Variants in ZFPM2 observed in about 807,000 individuals in gnomAD.
ZFPM2 encodes zinc finger protein ZFPM2.
In ZFPM2, 20 loss-of-function variants were observed where a neutral mutation model predicts 98.6. That is an observed-to-expected ratio of 0.20 (90% CI 0.14 to 0.29). The LOEUF (loss-of-function observed/expected upper bound fraction) is 0.29. Among genes scored for constraint, ZFPM2 ranks in the 10% least tolerant of loss-of-function variants. The probability of loss-of-function intolerance (pLI) is 1.00; values close to 1 mark genes in which losing one functional copy is unlikely to be tolerated. For missense variants in ZFPM2, 1,310 were observed against 1,388.6 expected (o/e 0.94, Z 0.90); for synonymous variants, 518 against 502.7 (o/e 1.03, Z -0.41).
chr8:105,327,063 TAGAA>T (rs1184079667), intron 1 of ZFPM2, among the ~76,000 whole-genome samples: 7 of 151,634 alleles, frequency 4.6e-5, no homozygotes, highest in African/African-American at 1.4e-4. Context: ...ATTTCTTTCT[TAGAA>T]AGATAAATTC....
intron 1 of ZFPM2, among the ~76,000 whole-genome samples, chr8:105,412,424 G>A (rs1416689368): frequency 6.6e-6 from 1 of 151,570 alleles, no homozygotes; most frequent in Non-Finnish European, 1.5e-5. Context: ...ACAGCTATGA[G>A]CAAAAGCCCA....
chr8:105,560,577 T>G (rs1007016258), intron 3 of ZFPM2, among the ~76,000 whole-genome samples: 3 of 146,462 alleles, frequency 2.0e-5, no homozygotes, highest in Admixed American at 2.0e-4. Context: ...ATTGGCCGTT[T>G]TTTTTTTTTT....
chr8:105,631,723 T>C (rs1441051431), intron 4 of ZFPM2, among the ~76,000 whole-genome samples: 1 of 152,192 alleles, frequency 6.6e-6, no homozygotes, highest in Non-Finnish European at 1.5e-5. Context: ...CTTATATTCC[T>C]AGCACAAGGC....
chr8:105,586,259 G>A (rs1815712786), intron 4 of ZFPM2, among the ~76,000 whole-genome samples: 1 of 152,038 alleles, frequency 6.6e-6, no homozygotes, highest in Non-Finnish European at 1.5e-5. Flanking sequence ...TCGATGTAAT[G>A]TTTTACTTTG....
At chr8:105,732,814 A>G (rs1811973385) in intron 5 of ZFPM2, among the ~76,000 whole-genome samples, 1 of 151,798 alleles carries the variant, frequency 6.6e-6, no homozygotes, top group Admixed American at 6.6e-5. Context: ...TTAAACGTTT[A>G]TGGAGAAAAA....
chr8:105,637,305 A>G (rs1186899747), intron 5 of ZFPM2, among the ~76,000 whole-genome samples: 1 of 152,096 alleles, frequency 6.6e-6, no homozygotes, highest in African/African-American at 2.4e-5. Flanking sequence ...TCGGGCTTTT[A>G]TCCCTAGAAA....
chr8:105,789,228 T>C (rs1317339114), intron 6 of ZFPM2, among the ~76,000 whole-genome samples: 2 of 152,112 alleles, frequency 1.3e-5, no homozygotes, highest in African/African-American at 2.4e-5. Flanking sequence ...AATGCTATCC[T>C]TCCCCGCTCC....
chr8:105,802,727 A>G lies in ZFPM2; in HGVS notation c.2645A>G (p.His882Arg). ...HKQNFCPVTA[H>R]QRNDLGQLDG... ...CAGAATTTCTGCCCGGTTACTGCAC[A>G]TCAGCGTAATGACCTGGGTCAACTG... Residue 882 changes from histidine (H) to arginine (R), a missense_variant, in exon 8 of 8, where the codon CAT (histidine) becomes CGT (arginine). His to Arg is a conservative substitution (Grantham distance 29). Transcript: ENST00000407775. 11 of 1,613,252 alleles carry G rather than the reference A, an allele frequency of 6.8e-6. No homozygotes were observed. Among genetic ancestry groups the G allele is most frequent in the Non-Finnish European group, 8.5e-6 (10 of 1,179,650 alleles).
At chr8:105,320,330 ATTTC>A (rs1323322543) in intron 1 of ZFPM2, among the ~76,000 whole-genome samples, 2 of 145,046 alleles carry the variant, frequency 1.4e-5, no homozygotes, top group South Asian at 2.2e-4. Flanking sequence ...TCTAGCTTTT[ATTTC>A]TTCGATTCCT....
At chr8:105,776,990 C>T (rs565333946) in intron 5 of ZFPM2, among the ~76,000 whole-genome samples, 2 of 152,314 alleles carry the variant, frequency 1.3e-5, no homozygotes, top group Non-Finnish European at 2.9e-5. Context: ...TATCTCCCTG[C>T]TTCCTCTTTC....
intron 3 of ZFPM2, among the ~76,000 whole-genome samples, chr8:105,489,276 A>C (rs2130423690): frequency 6.6e-6 from 1 of 151,606 alleles, no homozygotes; most frequent in Middle Eastern, 3.4e-3. Flanking sequence ...TTTGCCAAAT[A>C]ATGTCGGTAA....
At chr8:105,469,642 T>C (rs1288279299) in intron 3 of ZFPM2, among the ~76,000 whole-genome samples, 3 of 152,206 alleles carry the variant, frequency 2.0e-5, no homozygotes, top group Non-Finnish European at 4.4e-5. Context: ...TCAGTTTCCT[T>C]ATCAGTAAAA....
intron 5 of ZFPM2, among the ~76,000 whole-genome samples, chr8:105,730,776 C>CTTTTTTTTTTT (rs201573898): frequency 8.0e-6 from 1 of 124,388 alleles, no homozygotes; most frequent in Non-Finnish European, 1.7e-5. Flanking sequence ...TTTCTTTTTT[C>CTTTTTTTTTTT]TTTTTTTTTT....
chr8:105,614,280 T>G (rs2130804561), intron 4 of ZFPM2, among the ~76,000 whole-genome samples: 1 of 152,302 alleles, frequency 6.6e-6, no homozygotes, highest in East Asian at 1.9e-4. Context: ...TCATATGTTT[T>G]CAGCTACCCT....
At chr8:105,525,547 G>A (rs924006219) in intron 3 of ZFPM2, among the ~76,000 whole-genome samples, 6 of 152,212 alleles carry the variant, frequency 3.9e-5, no homozygotes, top group Non-Finnish European at 5.9e-5. Context: ...AACCAGACTG[G>A]TGACTTGGTC....
chr8:105,371,009 T>C (rs1810612748), intron 1 of ZFPM2, among the ~76,000 whole-genome samples: 1 of 152,240 alleles, frequency 6.6e-6, no homozygotes, highest in Non-Finnish European at 1.5e-5. Context: ...TGGGTGCTAC[T>C]GACTCTGTGA....
chr8:105,491,681 T>C (rs1813359149), intron 3 of ZFPM2, among the ~76,000 whole-genome samples: 1 of 152,218 alleles, frequency 6.6e-6, no homozygotes, highest in Non-Finnish European at 1.5e-5. Context: ...ATGTTTCATA[T>C]GTGGAATTGG....
At chr8:105,397,354 A>T (rs1462320686) in intron 1 of ZFPM2, among the ~76,000 whole-genome samples, 1 of 152,150 alleles carries the variant, frequency 6.6e-6, no homozygotes. Flanking sequence ...ATAAATACCT[A>T]ATAAATATTC....
At chr8:105,437,836 A>G (rs548209342) in intron 2 of ZFPM2, among the ~76,000 whole-genome samples, 2 of 152,270 alleles carry the variant, frequency 1.3e-5, no homozygotes, top group African/African-American at 4.8e-5. Context: ...AGAGGTCAGG[A>G]GTTCGTGACC....
Sources: allele counts gnomAD v4.1 joint callset (sites outside exome capture counted in the v4.1 genomes callset), GRCh38; gene constraint gnomAD v4.1.1; transcripts MANE v1.5; gene names NCBI Gene and HGNC (gene_info 2026-07-23, HGNC 2026-07-21).